Variants in STX8 observed in about 807,000 individuals in gnomAD.
STX8 encodes syntaxin-8.
A neutral mutation model predicts 37.5 loss-of-function variants in STX8; 23 were observed. That is an observed-to-expected ratio of 0.61 (90% confidence interval 0.44 to 0.87). The LOEUF is 0.87. Among genes scored for constraint, STX8 ranks in the 40% least tolerant of loss-of-function variants. STX8 has a pLI of 0.00. For missense variants in STX8, 313 were observed against 284.7 expected (o/e 1.10, Z -0.71); for synonymous variants, 115 against 99.1 (o/e 1.16, Z -0.95).
At chr17:9,359,026 T>A (rs1910971432) in intron 7 of STX8, among the ~76,000 whole-genome samples, 1 of 151,554 alleles carries the variant, frequency 6.6e-6, no homozygotes, top group Non-Finnish European at 1.5e-5. Context: ...ATCCTCTCAG[T>A]GGAACTAAGG....
chr17:9,530,234 C>G (rs1263433550), intron 4 of STX8, among the ~76,000 whole-genome samples: 2 of 151,098 alleles, frequency 1.3e-5, no homozygotes, highest in Non-Finnish European at 2.9e-5. Flanking sequence ...TGGTGGGAAC[C>G]CGGGAGGTGG....
intron 7 of STX8, among the ~76,000 whole-genome samples, chr17:9,365,345 GC>G (rs1054275384): frequency 1.3e-5 from 2 of 152,382 alleles, no homozygotes; most frequent in African/African-American, 4.8e-5. Flanking sequence ...AATCCCAGCT[GC>G]CCACTTAATG....
intron 3 of STX8, chr17:9,556,750 A>AATATGT (rs1906978579): frequency 1.0e-5 from 1 of 99,572 alleles, no homozygotes; most frequent in Non-Finnish European, 1.9e-5. Context: ...GAATTTCTAA[A>AATATGT]ATATATATAT....
At chr17:9,259,514 G>A (rs959834133) in intron 7 of STX8, among the ~76,000 whole-genome samples, 6 of 152,192 alleles carry the variant, frequency 3.9e-5, no homozygotes, top group Admixed American at 2.0e-4. Context: ...AATTCTCTCC[G>A]AGGCCCGGCG....
chr17:9,346,977 AC>A, intron 7 of STX8, among the ~76,000 whole-genome samples: 1 of 152,068 alleles, frequency 6.6e-6, no homozygotes, highest in African/African-American at 2.4e-5. Context: ...AAAATATACA[AC>A]TAGCTGGGCG....
chr17:9,518,126 CTT>C (rs1905209502), intron 4 of STX8, among the ~76,000 whole-genome samples: 1 of 133,452 alleles, frequency 7.5e-6, no homozygotes, highest in South Asian at 2.1e-4. Flanking sequence ...CAAGCAATGA[CTT>C]TCTCTCCTAT....
intron 6 of STX8, among the ~76,000 whole-genome samples, chr17:9,468,133 G>T (rs1266054322): frequency 6.6e-6 from 1 of 152,078 alleles, no homozygotes; most frequent in African/African-American, 2.4e-5. Flanking sequence ...TTTTGAGATG[G>T]AGTTTTGCTC....
At chr17:9,288,802 T>C (rs1461161246) in intron 7 of STX8, among the ~76,000 whole-genome samples, 1 of 151,386 alleles carries the variant, frequency 6.6e-6, no homozygotes, top group Non-Finnish European at 1.5e-5. Context: ...AATTCAAGGA[T>C]TAAACTATGA....
intron 1 of STX8, chr17:9,569,634 T>C (rs949318270): frequency 5.9e-5 from 9 of 152,188 alleles, no homozygotes; most frequent in African/African-American, 2.2e-4. Flanking sequence ...CAGAGCATTT[T>C]TACTTTCTAT....
chr17:9,438,518 T>C (rs562759283), intron 6 of STX8, among the ~76,000 whole-genome samples: 8 of 152,202 alleles, frequency 5.3e-5, no homozygotes, highest in African/African-American at 9.6e-5. Flanking sequence ...AGACCAGTGG[T>C]TGGTAAACAT....
chr17:9,265,427 TG>T (rs1907200431), intron 7 of STX8, among the ~76,000 whole-genome samples: 1 of 152,216 alleles, frequency 6.6e-6, no homozygotes, highest in Admixed American at 6.5e-5. Flanking sequence ...ATGGGCCCAC[TG>T]GGGGCCTGGC....
intron 6 of STX8, among the ~76,000 whole-genome samples, chr17:9,396,121 A>G (rs1019435913): frequency 1.3e-5 from 2 of 152,066 alleles, no homozygotes; most frequent in Non-Finnish European, 1.5e-5. Context: ...GAAAAGTAAC[A>G]TTTTCCATTA....
chr17:9,429,473 G>A (rs1417167080), intron 6 of STX8, among the ~76,000 whole-genome samples: 1 of 144,578 alleles, frequency 6.9e-6, no homozygotes, highest in African/African-American at 2.5e-5. Context: ...GGAGGCCTAG[G>A]CAGGCGGATC....
At chr17:9,445,157 G>C (rs1199586535) in intron 6 of STX8, among the ~76,000 whole-genome samples, 1 of 152,078 alleles carries the variant, frequency 6.6e-6, no homozygotes, top group Non-Finnish European at 1.5e-5. Context: ...ACCTAAGTTT[G>C]GAGAACCGTT....
intron 4 of STX8, among the ~76,000 whole-genome samples, chr17:9,534,000 T>C (rs990251174): frequency 8.5e-5 from 13 of 152,178 alleles, no homozygotes; most frequent in Admixed American, 1.3e-4. Flanking sequence ...TGTGATACAA[T>C]AGTCTATTTC....
intron 1 of STX8, among the ~76,000 whole-genome samples, chr17:9,571,687 G>A (rs942580151): frequency 3.3e-5 from 5 of 151,596 alleles, no homozygotes; most frequent in South Asian, 2.1e-4. Flanking sequence ...AGGCCAAGAC[G>A]GGTGATCACC....
intron 7 of STX8, among the ~76,000 whole-genome samples, chr17:9,279,631 A>G (rs764872043): frequency 6.6e-6 from 1 of 152,218 alleles, no homozygotes; most frequent in Non-Finnish European, 1.5e-5. Context: ...CCAGGTGCCC[A>G]GCTCTAGACT....
At chr17:9,326,026 G>A (rs1215935401) in intron 7 of STX8, among the ~76,000 whole-genome samples, 1 of 152,222 alleles carries the variant, frequency 6.6e-6, no homozygotes, top group Non-Finnish European at 1.5e-5. Flanking sequence ...AAAGGTTGGG[G>A]GTCGGGAGGC....
At chr17:9,348,869 G>A (rs924808484) in intron 7 of STX8, among the ~76,000 whole-genome samples, 1 of 152,178 alleles carries the variant, frequency 6.6e-6, no homozygotes, top group Non-Finnish European at 1.5e-5. Flanking sequence ...TCAGAGAAAA[G>A]CTTATACATT....
Sources: allele counts gnomAD v4.1 joint callset (sites outside exome capture counted in the v4.1 genomes callset), GRCh38; gene constraint gnomAD v4.1.1; transcripts MANE v1.5; gene names NCBI Gene and HGNC (gene_info 2026-07-23, HGNC 2026-07-21).